LHX8: variants seen among roughly 807,000 people sequenced by gnomAD.
LHX8 encodes LIM/homeobox protein Lhx8.
A neutral mutation model predicts 40.3 loss-of-function variants in LHX8; 12 were observed. The ratio of observed to expected loss-of-function variants is 0.30; its 90% confidence interval spans 0.19 to 0.48. LHX8 has a LOEUF of 0.48. LHX8 is among the 20% of genes least tolerant of loss of function. The probability of loss-of-function intolerance (pLI) is 0.99; values close to 1 mark genes in which losing one functional copy is unlikely to be tolerated. For missense variants in LHX8, 344 were observed against 433.7 expected (o/e 0.79, Z 1.84); for synonymous variants, 179 against 162.0 (o/e 1.10, Z -0.80).
At chr1:75,134,334 T>G (rs1648055950), upstream of LHX8, among the ~76,000 whole-genome samples, 1 of 151,858 alleles carries the variant, frequency 6.6e-6, no homozygotes, top group African/African-American at 2.4e-5. Context: ...TTCCACCCTC[T>G]GGAAAACAAA....
chr1:75,150,976 G>T (rs1454279130), intron 7 of LHX8, among the ~76,000 whole-genome samples: 1 of 152,066 alleles, frequency 6.6e-6, no homozygotes, highest in African/African-American at 2.4e-5. Context: ...TGCCTAGCCG[G>T]AAAATAATTT....
At chr1:75,184,167 A>G in the LHX8 span, among the ~76,000 whole-genome samples, 1 of 152,176 alleles carries the variant, frequency 6.6e-6, no homozygotes, top group Non-Finnish European at 1.5e-5. Flanking sequence ...AGACTCCCAC[A>G]CAATAATGGT....
At chr1:75,155,162 C>A (rs906202722) in intron 7 of LHX8, among the ~76,000 whole-genome samples, 2 of 151,760 alleles carry the variant, frequency 1.3e-5, no homozygotes, top group Non-Finnish European at 2.9e-5. Context: ...CCTCTCTTTC[C>A]TCTCATGACA....
chr1:75,141,888 A>G (rs1474721855), intron 4 of LHX8, among the ~76,000 whole-genome samples: 6 of 152,188 alleles, frequency 3.9e-5, no homozygotes, highest in Non-Finnish European at 8.8e-5. Flanking sequence ...TAAAGGCTGT[A>G]ATACTAATTT....
chr1:75,161,876 A>G (rs1030795249), downstream of LHX8, among the ~76,000 whole-genome samples: 2 of 152,120 alleles, frequency 1.3e-5, no homozygotes, highest in African/African-American at 4.8e-5. Context: ...AACTCTTTGC[A>G]TTTTCTTCTT....
the LHX8 span, among the ~76,000 whole-genome samples, chr1:75,187,607 G>T: frequency 6.6e-6 from 1 of 152,098 alleles, no homozygotes; most frequent in Non-Finnish European, 1.5e-5. Context: ...GCTTCTGGTT[G>T]GCAGGCATAG....
At chr1:75,168,805 C>T in the LHX8 span, among the ~76,000 whole-genome samples, 1 of 152,150 alleles carries the variant, frequency 6.6e-6, no homozygotes, top group East Asian at 1.9e-4. Context: ...TAACCGTGGG[C>T]ATATCACTTA....
rs914682903 is a variant in LHX8, at chr1:75,160,832, A to G, written c.978A>G (p.Thr326=). ...LHSYMDAHSP[T]TLGLQPLLPH... is the part of the protein sequence containing the mutation. ...TCTATTTTGTAGCTCATTCACCAAC[A>G]ACTCTTGGACTCCAGCCCTTGTTAC... is the stretch of plus-strand genomic sequence containing the variant. The change falls in exon 9 of 9, where the codon ACA becomes ACG. Residue 326 remains threonine, a synonymous_variant. Transcript: ENST00000356261. 4 of 1,612,804 alleles carry G rather than the reference A, an allele frequency of 2.5e-6. No individual in the cohort carries two copies. Among genetic ancestry groups the G allele is most frequent in the Admixed American group, 1.7e-5 (1 of 59,994 alleles).
chr1:75,170,511 ACACAGGAACTGCAGAGTGC>A, the LHX8 span, among the ~76,000 whole-genome samples: 1 of 152,238 alleles, frequency 6.6e-6, no homozygotes. Flanking sequence ...GGACCTTGGG[ACACAGGAACTGCAGAGTGC>A]TTAAAAATCA....
chr1:75,145,180 C>T (rs1001342987), intron 6 of LHX8, among the ~76,000 whole-genome samples: 16 of 152,086 alleles, frequency 1.1e-4, no homozygotes, highest in African/African-American at 3.4e-4. Flanking sequence ...TCTGTTTGAG[C>T]CTTGCTTTCT....
At chr1:75,172,300 T>C in the LHX8 span, among the ~76,000 whole-genome samples, 1 of 152,180 alleles carries the variant, frequency 6.6e-6, no homozygotes, top group African/African-American at 2.4e-5. Flanking sequence ...TTAGGAATTA[T>C]TTTGCCCTCG....
At chr1:75,196,193 G>T in the LHX8 span, among the ~76,000 whole-genome samples, 1 of 151,944 alleles carries the variant, frequency 6.6e-6, no homozygotes, top group African/African-American at 2.4e-5. Flanking sequence ...CTGTTAGCAT[G>T]CATTTGTGTC....
rs151035001 is a variant in LHX8 at position 75,157,199 on chromosome 1, T to G, written c.964+123T>G. 1.2e-3 allele frequency: 1,410 copies of G among 1,139,132 alleles called. 8 individuals carry two copies. The African/African-American group carries it at 0.019, about 16-fold the overall frequency. The allele number at this position is 1,139,132 out of a possible 1,614,324, so 70.6% of individuals were successfully genotyped here. ...CCTCAGTAGTAGCTGAAAAATATTGTGGGGGGTGCAGTAGAGAGCAAAATT... is the reference window on the plus strand; with the variant it reads ...CCTCAGTAGTAGCTGAAAAATATTGGGGGGGGTGCAGTAGAGAGCAAAATT... On this transcript the variant is annotated intron_variant, in intron 8 of 8. Transcript: ENST00000356261.
chr1:75,185,410 A>G, the LHX8 span, among the ~76,000 whole-genome samples: 1 of 152,196 alleles, frequency 6.6e-6, no homozygotes, highest in East Asian at 1.9e-4. Flanking sequence ...CACCAAGATC[A>G]AGTAGGCTTT....
the LHX8 span, among the ~76,000 whole-genome samples, chr1:75,173,610 G>A: frequency 1.3e-5 from 2 of 151,800 alleles, no homozygotes; most frequent in African/African-American, 4.8e-5. Flanking sequence ...TCTCGATCTC[G>A]TGACCTCGTG....
At chr1:75,140,541 G>T (rs571401767) in intron 3 of LHX8, among the ~76,000 whole-genome samples, 2 of 152,126 alleles carry the variant, frequency 1.3e-5, no homozygotes, top group Admixed American at 1.3e-4. Context: ...GTTTATAATT[G>T]TTTAGCCAAA....
At chr1:75,156,248 TGTTTTG>T (rs1407184695) in intron 7 of LHX8, among the ~76,000 whole-genome samples, 2 of 152,016 alleles carry the variant, frequency 1.3e-5, no homozygotes, top group Admixed American at 6.6e-5. Flanking sequence ...TGTTTTGTTT[TGTTTTG>T]TTTTTGAGAC....
At chr1:75,151,767 CTT>C (rs1309504070) in intron 7 of LHX8, among the ~76,000 whole-genome samples, 2 of 152,132 alleles carry the variant, frequency 1.3e-5, no homozygotes, top group African/African-American at 2.4e-5. Context: ...AGATGCATGA[CTT>C]ATATCATTTT....
intron 1 of LHX8, among the ~76,000 whole-genome samples, chr1:75,128,820 T>C (rs1400196101): frequency 6.6e-6 from 1 of 152,220 alleles, no homozygotes; most frequent in Non-Finnish European, 1.5e-5. Flanking sequence ...AAGGTGTTCA[T>C]TGTGCATCCT....
Sources: allele counts gnomAD v4.1 joint callset (sites outside exome capture counted in the v4.1 genomes callset), GRCh38; gene constraint gnomAD v4.1.1; transcripts MANE v1.5; gene names NCBI Gene and HGNC (gene_info 2026-07-23, HGNC 2026-07-21).